Variants in WWOX observed in about 807,000 individuals in gnomAD.
The protein encoded by WWOX is WW domain-containing oxidoreductase.
Under a neutral mutation model 46.2 loss-of-function variants are expected in WWOX, and 69 were observed. The observed-to-expected ratio is 1.49, with a 90% CI of 1.23 to 1.82. WWOX has a LOEUF of 1.82. Among genes scored for constraint, WWOX ranks in the 40% most tolerant of loss-of-function variants. The pLI is 0.00. For missense variants in WWOX, 919 were observed against 542.6 expected (o/e 1.69, Z -6.89); for synonymous variants, 359 against 202.6 (o/e 1.77, Z -6.56).
intron 2 of WWOX, among the ~76,000 whole-genome samples, chr16:78,108,902 T>C (rs2032320521): frequency 6.6e-6 from 1 of 152,112 alleles, no homozygotes; most frequent in South Asian, 2.1e-4. Context: ...GCACGAGAAG[T>C]GCTCAAACCC....
At chr16:78,331,378 G>A (rs1171926335) in intron 5 of WWOX, among the ~76,000 whole-genome samples, 1 of 152,196 alleles carries the variant, frequency 6.6e-6, no homozygotes, top group Non-Finnish European at 1.5e-5. Flanking sequence ...AGGTCCAAAT[G>A]AAACAGGCAA....
intron 8 of WWOX, among the ~76,000 whole-genome samples, chr16:78,686,978 C>T (rs2738632): frequency 1.3e-5 from 2 of 151,962 alleles, no homozygotes; most frequent in Non-Finnish European, 2.9e-5. Flanking sequence ...TGGAACATCA[C>T]GATCTATATC....
chr16:78,965,531 T>C (rs1397527228), intron 8 of WWOX, among the ~76,000 whole-genome samples: 6 of 151,228 alleles, frequency 4.0e-5, no homozygotes, highest in South Asian at 4.2e-4. Context: ...GATGGCACCA[T>C]TGCACTCCAG....
chr16:78,679,818 G>C (rs932389275), intron 8 of WWOX, among the ~76,000 whole-genome samples: 4 of 152,184 alleles, frequency 2.6e-5, no homozygotes, highest in African/African-American at 9.6e-5. Context: ...TGCAGAAAGA[G>C]ACACTCAGAG....
intron 8 of WWOX, among the ~76,000 whole-genome samples, chr16:78,985,936 G>A (rs1567460974): frequency 1.3e-5 from 2 of 152,314 alleles, no homozygotes; most frequent in African/African-American, 2.4e-5. Context: ...TTGACTGGCC[G>A]AGAAATGCAG....
chr16:78,553,015 C>G (rs1047627199), intron 8 of WWOX: 8 of 152,204 alleles, frequency 5.3e-5, no homozygotes, highest in African/African-American at 1.9e-4. Flanking sequence ...CCTCAGCAAA[C>G]TAACACAGGA....
intron 8 of WWOX, among the ~76,000 whole-genome samples, chr16:78,506,278 G>A (rs1456723243): frequency 5.3e-5 from 8 of 152,206 alleles, no homozygotes; most frequent in East Asian, 1.9e-4. Context: ...TTTTTGGCGC[G>A]TGCTGACACT....
chr16:78,557,199 C>G (rs1418164700), intron 8 of WWOX, among the ~76,000 whole-genome samples: 1 of 151,546 alleles, frequency 6.6e-6, no homozygotes, highest in Non-Finnish European at 1.5e-5. Context: ...CCCAAGCTTG[C>G]TAACACAGGG....
chr16:79,167,102 G>A lies in WWOX; in HGVS notation c.1057-44506G>A, dbSNP rs567090304. On this transcript the variant is annotated intron_variant, in intron 8 of 8. Transcript: ENST00000566780. Reference sequence around the variant, plus strand: ...ATTACAGGTGTGTGCTACCACGGCCGGCTAATTTTTTTGTATTTTATTAGA... The same window carrying A: ...ATTACAGGTGTGTGCTACCACGGCCAGCTAATTTTTTTGTATTTTATTAGA... Among the ~76,000 whole-genome samples, 17 of 152,080 alleles carry A rather than the reference G, an allele frequency of 1.1e-4. 1 individual carries two copies. The East Asian group carries it at 2.5e-3, about 23-fold the overall frequency.
intron 8 of WWOX, among the ~76,000 whole-genome samples, chr16:78,831,581 CATG>C (rs530822179): frequency 1.1e-4 from 17 of 152,186 alleles, no homozygotes; most frequent in Non-Finnish European, 2.1e-4. Context: ...AGGCAGGCTG[CATG>C]ATGATTGGGT....
intron 8 of WWOX, among the ~76,000 whole-genome samples, chr16:78,449,320 T>G (rs2083635685): frequency 6.6e-6 from 1 of 152,212 alleles, no homozygotes; most frequent in Non-Finnish European, 1.5e-5. Context: ...GTCTTACTGC[T>G]TTTGCCATAT....
chr16:78,921,406 TAGG>T (rs994621456), intron 8 of WWOX, among the ~76,000 whole-genome samples: 35 of 152,148 alleles, frequency 2.3e-4, no homozygotes, highest in African/African-American at 7.5e-4. Context: ...ACAGTAAAAT[TAGG>T]AGAGTAGATA....
intron 8 of WWOX, among the ~76,000 whole-genome samples, chr16:78,815,737 T>C (rs1413850218): frequency 6.6e-6 from 1 of 152,198 alleles, no homozygotes; most frequent in African/African-American, 2.4e-5. Flanking sequence ...GCTTTAGAAC[T>C]GCAATGCATC....
chr16:78,814,937 G>C (rs1010642413), intron 8 of WWOX, among the ~76,000 whole-genome samples: 2 of 152,136 alleles, frequency 1.3e-5, no homozygotes, highest in African/African-American at 4.8e-5. Flanking sequence ...ACCATAGTTG[G>C]CTCTCTTGCC....
intron 5 of WWOX, among the ~76,000 whole-genome samples, chr16:78,371,563 C>T (rs1213021672): frequency 4.6e-5 from 7 of 152,098 alleles, no homozygotes; most frequent in Non-Finnish European, 8.8e-5. Flanking sequence ...TTAATCTCTT[C>T]TACTAAGATT....
chr16:78,712,882 A>C (rs2142328856), intron 8 of WWOX, among the ~76,000 whole-genome samples: 1 of 152,286 alleles, frequency 6.6e-6, no homozygotes, highest in East Asian at 1.9e-4. Context: ...TCATTTAATT[A>C]GGTTCTCTGT....
intron 8 of WWOX, among the ~76,000 whole-genome samples, chr16:78,505,202 C>T (rs1378368674): frequency 6.6e-6 from 1 of 152,176 alleles, no homozygotes; most frequent in African/African-American, 2.4e-5. Flanking sequence ...TGGCCCATCC[C>T]AAATGAATTC....
intron 8 of WWOX, chr16:79,203,864 C>G (rs780476713): frequency 6.6e-6 from 1 of 152,072 alleles, no homozygotes; most frequent in Non-Finnish European, 1.5e-5. Flanking sequence ...ACGCAGTACA[C>G]GAGCTAGCTA....
At chr16:78,793,046 TTTC>T (rs2050646150) in intron 8 of WWOX, among the ~76,000 whole-genome samples, 1 of 152,190 alleles carries the variant, frequency 6.6e-6, no homozygotes. Flanking sequence ...CCTTTCTTTC[TTTC>T]ATCTTATCTA....
Sources: gnomAD v4.1 joint callset for allele counts (sites outside exome capture counted in the v4.1 genomes callset) on GRCh38, gnomAD v4.1.1 for gene constraint, MANE v1.5 for transcripts, NCBI Gene and HGNC (gene_info 2026-07-23, HGNC 2026-07-21) for gene names.